ANGEL1: variants seen among roughly 807,000 people sequenced by gnomAD.
ANGEL1 encodes angel homolog 1, also known as RNA 2',3'-cyclic phosphatase ANGEL1.
In ANGEL1, 62 loss-of-function variants were observed where a neutral mutation model predicts 76.4. The observed-to-expected ratio is 0.81, with a 90% CI of 0.66 to 1.00. The LOEUF (loss-of-function observed/expected upper bound fraction) is 1.00. Among genes scored for constraint, ANGEL1 ranks in the 50% least tolerant of loss-of-function variants. The pLI is 0.00. For missense variants in ANGEL1, 737 were observed against 836.7 expected, an observed-to-expected ratio of 0.88 and a Z score of 1.47; for synonymous variants, 340 against 331.7, an observed-to-expected ratio of 1.03 and a Z score of -0.27.
chr14:76,809,504 C>G lies in ANGEL1; in HGVS notation c.204G>C (p.Gly68=), dbSNP rs760941106. ...TTGCAGTTGAGAGCACCTGGCTCAA[C>G]CCTTCTTCTCGCCACTGCTGCAGCA... ...EGLLQQWREE[G]LSQVLSTASE... The change falls in exon 2 of 10, where the codon GGG becomes GGC. Residue 68 remains glycine (G), a synonymous_variant. Coordinates refer to ENST00000251089, the MANE Select transcript of ANGEL1 (RefSeq NM_015305.4). 19 of 1,614,146 alleles carry G rather than the reference C, an allele frequency of 1.2e-5. No individual in the cohort carries two copies. The highest frequency in any genetic ancestry group is 1.6e-5 in the Non-Finnish European group (19 of 1,180,058).
chr14:76,795,609 C>A (rs1894553973), intron 7 of ANGEL1, among the ~76,000 whole-genome samples: 1 of 152,154 alleles, frequency 6.6e-6, no homozygotes, highest in Non-Finnish European at 1.5e-5. Flanking sequence ...AGGACATTCC[C>A]TATCAATCTG....
chr14:76,806,883 G>A, intron 4 of ANGEL1, 34 bp from the exon 5 acceptor site: 1 of 1,594,152 alleles, frequency 6.3e-7, no homozygotes, highest in Non-Finnish European at 8.5e-7. Flanking sequence ...AGATGGGTCA[G>A]AGTCCTTAAA....
At chr14:76,799,800 A>T (rs959137308) in intron 7 of ANGEL1, among the ~76,000 whole-genome samples, 1 of 151,870 alleles carries the variant, frequency 6.6e-6, no homozygotes, top group South Asian at 2.1e-4. Flanking sequence ...GCTACTCGGA[A>T]GGTTGAGGTG....
intron 1 of ANGEL1, 155 bp downstream of exon 1, chr14:76,812,609 G>A (rs1439123661): frequency 7.7e-7 from 1 of 1,299,634 alleles, no homozygotes; most frequent in Non-Finnish European, 9.8e-7. Flanking sequence ...AGGGGCCCGC[G>A]GGGCAGGGGC....
intron 1 of ANGEL1, among the ~76,000 whole-genome samples, chr14:76,811,804 C>A (rs1198218511): frequency 2.6e-5 from 4 of 152,094 alleles, no homozygotes; most frequent in African/African-American, 9.7e-5. Context: ...CGTGGCCCTG[C>A]GCTCCTGAAG....
At position 76,788,531 on chromosome 14, in the gene ANGEL1, C is replaced by T. The variant is rs1355833798; in HGVS notation, c.*697G>A. The T allele has an allele frequency of 2.6e-5, 4 of 152,410 alleles. No homozygotes were observed. The highest frequency in any genetic ancestry group is 7.2e-5 in the African/African-American group (3 of 41,478). The allele number at this position is 152,410 out of a possible 1,614,324, so 9.4% of individuals were successfully genotyped here. On this transcript the variant is annotated 3_prime_UTR_variant, in exon 10 of 10. Coordinates refer to ENST00000251089, the MANE Select transcript of ANGEL1 (RefSeq NM_015305.4). ...AGCGCATCCCCCAAAATTTGCCACTCCAGGATGTGGGCCCCATTTGTTCCC... is the reference window on the plus strand; with the variant it reads ...AGCGCATCCCCCAAAATTTGCCACTTCAGGATGTGGGCCCCATTTGTTCCC...
chr14:76,791,505 G>A, intron 7 of ANGEL1, 139 bp from the exon 8 acceptor site: 1 of 741,112 alleles, frequency 1.3e-6, no homozygotes, highest in East Asian at 3.0e-5. Flanking sequence ...GAGAAACAGT[G>A]AGGAGGAGAA....
intron 7 of ANGEL1, among the ~76,000 whole-genome samples, chr14:76,802,681 A>G (rs563653715): frequency 2.6e-4 from 33 of 125,842 alleles, no homozygotes; most frequent in African/African-American, 9.8e-4. Flanking sequence ...ACTCTTGTTG[A>G]AAAAAAAAAA....
intron 5 of ANGEL1, among the ~76,000 whole-genome samples, chr14:76,805,861 C>T (rs1332056905): frequency 6.6e-6 from 1 of 152,232 alleles, no homozygotes; most frequent in Non-Finnish European, 1.5e-5. Context: ...AATTACTTCA[C>T]TTTTCTGAGC....
In ANGEL1 at chr14:76,809,445, T is replaced by TG. The variant is rs768131952; in HGVS notation, c.262dup (p.Gln88ProfsTer10). The TG allele has an allele frequency of 1.9e-6, 3 of 1,614,132 alleles. No homozygotes were observed. In the Admixed American group the frequency reaches 5.0e-5, roughly 27 times the overall value. ...ATCCATCAGAAGTGCCAGGCTGCTC[T>TG]GGGCTAGTCCTTTATCTATAAGGGG... On this transcript the variant is annotated frameshift_variant, in exon 2 of 10. Transcript: ENST00000251089. LOFTEE classifies it high-confidence loss of function.
At chr14:76,792,381 A>T (rs1894433175) in intron 7 of ANGEL1, among the ~76,000 whole-genome samples, 1 of 152,212 alleles carries the variant, frequency 6.6e-6, no homozygotes, top group Admixed American at 6.5e-5. Context: ...AAGAGGAGAC[A>T]CTTCTCAACT....
intron 4 of ANGEL1, 53 bp downstream of exon 4, chr14:76,807,380 T>C: frequency 6.5e-7 from 1 of 1,544,512 alleles, no homozygotes; most frequent in South Asian, 1.2e-5. Flanking sequence ...CAGGAGAGAG[T>C]AGACAAGTCT....
chr14:76,809,177 G>C lies in ANGEL1; in HGVS notation c.531C>G (p.Asp177Glu). 6.2e-7 allele frequency: 1 copy of C among 1,614,008 alleles called. No individual in the cohort carries two copies. The highest frequency in any genetic ancestry group is 8.5e-7 in the Non-Finnish European group (1 of 1,179,946). Reference protein sequence around the residue: ...GALATEQWEEDPAVLAWSIAP... With the variant: ...GALATEQWEEEPAVLAWSIAP... Reference sequence around the variant, plus strand: ...CTATGCTCCAGGCCAACACCGCTGGGTCCTCTTCCCACTGCTCTGTGGCCA... The same window carrying C: ...CTATGCTCCAGGCCAACACCGCTGGCTCCTCTTCCCACTGCTCTGTGGCCA... Residue 177 changes from aspartate (D) to glutamate (E), a missense_variant, in exon 2 of 10, where the codon GAC becomes GAG. Transcript: ENST00000251089.
Position 76,806,574 on chromosome 14 carries a change from C to T in ANGEL1, c.1222G>A (p.Ala408Thr). Residue 408 changes from alanine (A) to threonine (T), a missense_variant, in exon 5 of 10, where the codon GCC becomes ACC. Transcript: ENST00000251089. The part of the protein sequence containing the change: ...RRGDVKLAQM[A>T]ILLAEVDKVA... ...TTGTCCACTTCCGCCAGGAGAATGG[C>T]CATCTGGGCCAGCTTGACATCGCCC... 6.2e-7 allele frequency: 1 copy of T among 1,614,214 alleles called. No homozygotes were observed. Among genetic ancestry groups the T allele is most frequent in the Non-Finnish European group, 8.5e-7 (1 of 1,180,042 alleles).
chr14:76,812,619 C>G, intron 1 of ANGEL1, 145 bp downstream of exon 1: 2 of 1,318,638 alleles, frequency 1.5e-6, no homozygotes, highest in African/African-American at 3.1e-5. Flanking sequence ...GGGGCAGGGG[C>G]TCAGGACCGC....
chr14:76,812,180 GT>G, intron 1 of ANGEL1: 2 of 944,008 alleles, frequency 2.1e-6, no homozygotes, highest in Non-Finnish European at 2.5e-6. Flanking sequence ...ACCGCCGGGA[GT>G]GGGGGCAGGA....
At chr14:76,789,799 A>G (rs1488581893) in intron 9 of ANGEL1, among the ~76,000 whole-genome samples, 1 of 148,462 alleles carries the variant, frequency 6.7e-6, no homozygotes, top group Admixed American at 6.8e-5. Flanking sequence ...GGTTCAAGCG[A>G]TTCTCCTGCC....
At chr14:76,798,999 T>C (rs1292459616) in intron 7 of ANGEL1, among the ~76,000 whole-genome samples, 1 of 151,044 alleles carries the variant, frequency 6.6e-6, no homozygotes, top group Non-Finnish European at 1.5e-5. Context: ...AATCACAATG[T>C]ATTTTATTAT....
chr14:76,811,209 T>A (rs1895071916), intron 1 of ANGEL1, among the ~76,000 whole-genome samples: 1 of 152,130 alleles, frequency 6.6e-6, no homozygotes, highest in Non-Finnish European at 1.5e-5. Context: ...CACCAAATGA[T>A]CCGGTCCAAA....
Sources: allele counts gnomAD v4.1 joint callset (sites outside exome capture counted in the v4.1 genomes callset), GRCh38; gene constraint gnomAD v4.1.1; transcripts MANE v1.5; gene names NCBI Gene and HGNC (gene_info 2026-07-23, HGNC 2026-07-21).